Variants in HIVEP3 observed in about 807,000 individuals in gnomAD.
HIVEP3 encodes transcription factor HIVEP3.
HIVEP3 carries 49 observed loss-of-function variants against 152.8 expected under a neutral mutation model. The ratio of observed to expected loss-of-function variants is 0.32; its 90% CI spans 0.26 to 0.41. HIVEP3 has a LOEUF of 0.41. Among genes scored for constraint, HIVEP3 ranks in the 10% least tolerant of loss-of-function variants. The pLI is 1.00. For synonymous variants in HIVEP3, 1,269 were observed against 1,289.0 expected, an observed-to-expected ratio of 0.98 and a Z score of 0.33; for missense variants, 2,790 against 3,103.3, an observed-to-expected ratio of 0.90 and a Z score of 2.40.
chr1:41,616,070 G>A (rs538158754), intron 3 of HIVEP3, among the ~76,000 whole-genome samples: 3 of 152,170 alleles, frequency 2.0e-5, no homozygotes, highest in South Asian at 2.1e-4. Context: ...TGCCCCAGGT[G>A]GGGAGCTTCT....
intron 1 of HIVEP3, among the ~76,000 whole-genome samples, chr1:41,917,698 G>A (rs1644892142): frequency 1.3e-5 from 2 of 152,122 alleles, no homozygotes; most frequent in Non-Finnish European, 2.9e-5. Flanking sequence ...TAAAATGTGG[G>A]GCATAACTTG....
At chr1:41,678,644 G>A (rs1467065987) in intron 2 of HIVEP3, among the ~76,000 whole-genome samples, 1 of 152,012 alleles carries the variant, frequency 6.6e-6, no homozygotes, top group East Asian at 1.9e-4. Flanking sequence ...ACACATCAAA[G>A]CAACTTGGAG....
At chr1:41,515,342 CTAT>C (rs1253810621) in intron 7 of HIVEP3, among the ~76,000 whole-genome samples, 4 of 152,210 alleles carry the variant, frequency 2.6e-5, no homozygotes, top group African/African-American at 9.7e-5. Context: ...AGGTCAAAAG[CTAT>C]GGGGTGGAGC....
At chr1:42,018,476 A>G (rs562220644) in intron 1 of HIVEP3, among the ~76,000 whole-genome samples, 3 of 152,048 alleles carry the variant, frequency 2.0e-5, no homozygotes, top group South Asian at 4.2e-4. Flanking sequence ...TATTGAAAAG[A>G]CATCCTTTCT....
At chr1:41,591,693 G>C (rs1016475111) in intron 3 of HIVEP3, among the ~76,000 whole-genome samples, 2 of 151,882 alleles carry the variant, frequency 1.3e-5, no homozygotes, top group Non-Finnish European at 2.9e-5. Flanking sequence ...GGATTTTCAT[G>C]AGATAATGAC....
intron 1 of HIVEP3, among the ~76,000 whole-genome samples, chr1:41,786,913 A>G (rs1012203486): frequency 5.9e-5 from 9 of 152,066 alleles, no homozygotes; most frequent in African/African-American, 2.2e-4. Context: ...CACCACGTCC[A>G]GCTAATTTTT....
At chr1:41,525,988 C>T (rs949496900) in intron 5 of HIVEP3, among the ~76,000 whole-genome samples, 3 of 133,874 alleles carry the variant, frequency 2.2e-5, no homozygotes, top group African/African-American at 4.9e-5. Context: ...CTTCCAACGC[C>T]AGCCAGAGTT....
At chr1:41,526,591 A>ATT (rs1569733310) in intron 5 of HIVEP3, among the ~76,000 whole-genome samples, 988 of 18,886 alleles carry the variant, frequency 0.052, no homozygotes, top group Non-Finnish European at 0.061. Context: ...CCCCACACTC[A>ATT]CACCCTTACA....
intron 1 of HIVEP3, among the ~76,000 whole-genome samples, chr1:42,006,333 G>A (rs1645459173): frequency 6.6e-6 from 1 of 152,110 alleles, no homozygotes; most frequent in South Asian, 2.1e-4. Context: ...CCTGCTAACT[G>A]CAAAGCACCA....
chr1:41,901,086 G>A (rs752403862), intron 1 of HIVEP3, among the ~76,000 whole-genome samples: 4 of 152,054 alleles, frequency 2.6e-5, no homozygotes, highest in African/African-American at 4.8e-5. Context: ...TCCTTAGGAG[G>A]AGGAATGCAC....
At chr1:41,731,637 A>G (rs1384789722) in intron 1 of HIVEP3, among the ~76,000 whole-genome samples, 2 of 152,214 alleles carry the variant, frequency 1.3e-5, no homozygotes, top group East Asian at 3.8e-4. Flanking sequence ...CAAACAGCCT[A>G]TGGAGATGCC....
At chr1:41,559,982 C>T (rs1034033654) in intron 5 of HIVEP3, among the ~76,000 whole-genome samples, 2 of 152,190 alleles carry the variant, frequency 1.3e-5, no homozygotes, top group Non-Finnish European at 2.9e-5. Context: ...ATAACTTATG[C>T]TCAGGCAGCC....
intron 1 of HIVEP3, among the ~76,000 whole-genome samples, chr1:41,997,389 G>C (rs541990431): frequency 4.9e-4 from 74 of 152,296 alleles, no homozygotes; most frequent in Admixed American, 3.5e-3. Context: ...TCAGCAACAC[G>C]AACATGAAAA....
At chr1:41,811,653 C>T (rs1329907602) in intron 1 of HIVEP3, among the ~76,000 whole-genome samples, 5 of 151,796 alleles carry the variant, frequency 3.3e-5, no homozygotes, top group Non-Finnish European at 7.4e-5. Flanking sequence ...CCTGAACCAT[C>T]GTGCTGTGCT....
intron 1 of HIVEP3, among the ~76,000 whole-genome samples, chr1:41,860,262 A>T (rs1379675434): frequency 6.6e-6 from 1 of 152,106 alleles, no homozygotes; most frequent in Non-Finnish European, 1.5e-5. Flanking sequence ...GAATTCCTTA[A>T]ATCTCCCCCT....
intron 5 of HIVEP3, among the ~76,000 whole-genome samples, chr1:41,574,366 T>G (rs528846624): frequency 6.6e-6 from 1 of 152,268 alleles, no homozygotes; most frequent in Admixed American, 6.5e-5. Flanking sequence ...TCAGTGTTTT[T>G]TCAACGCAGC....
intron 1 of HIVEP3, among the ~76,000 whole-genome samples, chr1:41,861,587 CTG>C (rs2124399303): frequency 6.6e-6 from 1 of 152,298 alleles, no homozygotes; most frequent in East Asian, 1.9e-4. Context: ...TGTGGGGAGA[CTG>C]TGAGCGCCGC....
chr1:41,646,493 T>A (rs1259610735), intron 2 of HIVEP3, among the ~76,000 whole-genome samples: 1 of 152,096 alleles, frequency 6.6e-6, no homozygotes, highest in Non-Finnish European at 1.5e-5. Context: ...TGGAGAAGGA[T>A]GGGGTGGCAT....
At position 41,815,753 on chromosome 1, in the gene HIVEP3, G is replaced by GTT. The variant is rs35558509; in HGVS notation, c.-801+102658_-801+102659dup. The stretch of plus-strand genomic sequence containing the variant: ...CCGTAGGAATCGATGCTTTTTTATT[G>GTT]TTTTTTTTTTTTTTATTGTTGTTGT... On this transcript the variant is annotated intron_variant, in intron 1 of 8. Coordinates refer to ENST00000372583, the MANE Select transcript of HIVEP3 (RefSeq NM_024503.5). Among the ~76,000 whole-genome samples the GTT allele has an allele frequency of 2.0e-3, 286 of 145,086 alleles. 2 individuals carry two copies. The highest frequency in any genetic ancestry group is 6.9e-3 in the African/African-American group (270 of 39,310).
Sources: gnomAD v4.1 joint callset for allele counts (sites outside exome capture counted in the v4.1 genomes callset) on GRCh38, gnomAD v4.1.1 for gene constraint, MANE v1.5 for transcripts, NCBI Gene and HGNC (gene_info 2026-07-23, HGNC 2026-07-21) for gene names.